Variants in PGLS observed in about 807,000 individuals in gnomAD.
PGLS encodes epididymis secretory protein Li 304.
In PGLS, 21 loss-of-function variants were observed where a neutral mutation model predicts 23.2. The observed-to-expected ratio is 0.91, with a 90% CI of 0.64 to 1.31. The LOEUF (loss-of-function observed/expected upper bound fraction) is 1.31. Ranked by LOEUF, PGLS falls within the 50% of genes most tolerant of loss-of-function variation. The pLI is 0.00. For synonymous variants in PGLS, 179 were observed against 165.4 expected, an observed-to-expected ratio of 1.08 and a Z score of -0.63; for missense variants, 410 against 354.0, an observed-to-expected ratio of 1.16 and a Z score of -1.27.
chr19:17,519,248 A>T (rs1386797949), intron 4 of PGLS, among the ~76,000 whole-genome samples: 1 of 147,616 alleles, frequency 6.8e-6, no homozygotes, highest in African/African-American at 2.5e-5. Context: ...CGGGAGGCGG[A>T]GGTTGCTGTG....
intron 4 of PGLS, among the ~76,000 whole-genome samples, chr19:17,519,385 T>A (rs1449434958): frequency 1.3e-5 from 2 of 151,726 alleles, no homozygotes; most frequent in Non-Finnish European, 2.9e-5. Flanking sequence ...CAGATTACAG[T>A]GTCCAGAAAT....
Position 17,516,281 on chromosome 19 carries a change from G to A in PGLS, c.396+1G>A. 1.2e-6 allele frequency: 2 copies of A among 1,613,334 alleles called. No individual in the cohort carries two copies. Among genetic ancestry groups the A allele is most frequent in the Non-Finnish European group, 1.7e-6 (2 of 1,179,606 alleles). ...GGACTACGCCAAGAAGCTGAGACAGGTGAGCCCCGAGGAGCGGCCGCAAGG... is the reference window on the plus strand; with the variant it reads ...GGACTACGCCAAGAAGCTGAGACAGATGAGCCCCGAGGAGCGGCCGCAAGG... On this transcript the variant is annotated splice_donor_variant, in intron 2 of 4. Transcript: ENST00000252603. LOFTEE classifies it high-confidence loss of function.
intron 1 of PGLS, among the ~76,000 whole-genome samples, chr19:17,514,828 T>A (rs1272853784): frequency 6.6e-6 from 1 of 152,164 alleles, no homozygotes; most frequent in East Asian, 1.9e-4. Context: ...AATTTTATAT[T>A]TTTAGTAGAG....
At chr19:17,516,779 G>A (rs971619421) in intron 2 of PGLS, among the ~76,000 whole-genome samples, 2 of 151,154 alleles carry the variant, frequency 1.3e-5, no homozygotes, top group Non-Finnish European at 2.9e-5. Flanking sequence ...AGTAGAGACG[G>A]GGTTTCACCA....
At chr19:17,514,865 T>C (rs1163845264) in intron 1 of PGLS, among the ~76,000 whole-genome samples, 1 of 152,242 alleles carries the variant, frequency 6.6e-6, no homozygotes, top group Non-Finnish European at 1.5e-5. Context: ...TTGGTCAGGC[T>C]GGTCTCGAAC....
intron 1 of PGLS, among the ~76,000 whole-genome samples, chr19:17,515,026 C>T (rs1269132495): frequency 1.3e-5 from 2 of 151,866 alleles, no homozygotes; most frequent in African/African-American, 2.4e-5. Flanking sequence ...TGGGCTCAAC[C>T]GATTGTCCCA....
intron 4 of PGLS, among the ~76,000 whole-genome samples, chr19:17,520,197 A>G (rs2075550621): frequency 6.6e-6 from 1 of 152,044 alleles, no homozygotes; most frequent in Admixed American, 6.6e-5. Context: ...TGGTGGCTCA[A>G]CGTGGGAGTT....
Position 17,521,051 on chromosome 19 carries a change from C to A in PGLS, c.747C>A (p.Thr249=). 6.2e-7 allele frequency: 1 copy of A among 1,602,672 alleles called. No individual in the cohort carries two copies. The highest frequency in any genetic ancestry group is 8.5e-7 in the Non-Finnish European group (1 of 1,173,894). Residue 249 remains threonine, a synonymous_variant, in exon 5 of 5, where the codon ACC becomes ACA. Coordinates refer to ENST00000252603, the MANE Select transcript of PGLS (RefSeq NM_012088.3). ...FLDEAAARLL[T]VPFEKHSTL ...ACGAGGCGGCCGCCCGCCTCCTGAC[C>A]GTGCCCTTCGAGAAGCATTCCACTT...
chr19:17,520,961 G>A lies in PGLS; in HGVS notation c.657G>A (p.Gln219=). The A allele has an allele frequency of 1.3e-6, 2 of 1,598,598 alleles. No individual in the cohort carries two copies. Among genetic ancestry groups the A allele is most frequent in the South Asian group, 2.3e-5 (2 of 88,686 alleles). Residue 219 remains glutamine (Q), a synonymous_variant, in exon 5 of 5, where the codon CAG becomes CAA. Coordinates refer to ENST00000252603, the MANE Select transcript of PGLS (RefSeq NM_012088.3). ...AAVLKRILED[Q]EENPLPAALV... ...TTCTTCAGCGCATTTTGGAGGACCA[G>A]GAGGAAAACCCGCTGCCCGCCGCCC... is the stretch of plus-strand genomic sequence containing the variant.
At chr19:17,520,919 CT>C (rs1404980069) in intron 4 of PGLS, 24 bp from the exon 5 acceptor site, 3 of 1,568,596 alleles carry the variant, frequency 1.9e-6, no homozygotes, top group Non-Finnish European at 2.6e-6. Context: ...CAGGCAGGGC[CT>C]TACTCTTCTG....
rs369147702 is a variant in PGLS at position 17,516,227 on chromosome 19, C to G, written c.343C>G (p.Pro115Ala). ...AGAAAGCCAGGTGATCACCATTAAC[C>G]CCGAGCTGCCTGTGGAGGAGGCGGC... ...IPESQVITIN[P>A]ELPVEEAAED... Residue 115 changes from proline (P) to alanine (A), a missense_variant, in exon 2 of 5, where the codon CCC becomes GCC. By Grantham distance (27) the Pro-to-Ala change is conservative. Coordinates refer to ENST00000252603, the MANE Select transcript of PGLS (RefSeq NM_012088.3). The G allele has an allele frequency of 6.8e-5, 109 of 1,614,024 alleles. No homozygotes were observed. The highest frequency in any genetic ancestry group is 8.9e-5 in the Non-Finnish European group (105 of 1,180,004).
rs763534327 is a variant in PGLS at position 17,511,883 on chromosome 19, G to C, written c.211G>C (p.Ala71Pro). Reference sequence around the variant, plus strand: ...CGCCCCTGCCGGGCCAGCTAGCTTAGCGCGCTGGACGCTGGGCTTCTGCGA... The same window carrying C: ...CGCCCCTGCCGGGCCAGCTAGCTTACCGCGCTGGACGCTGGGCTTCTGCGA... ...AVAPAGPASL[A>P]RWTLGFCDER... Residue 71 changes from alanine (A) to proline (P), a missense_variant, in exon 1 of 5, where the codon GCG (alanine) becomes CCG (proline). Ala to Pro is a conservative substitution (Grantham distance 27, BLOSUM62 -1). Transcript: ENST00000252603. 5 of 1,540,942 alleles carry C rather than the reference G, an allele frequency of 3.2e-6. No homozygotes were observed. Among genetic ancestry groups the C allele is most frequent in the African/African-American group, 1.4e-5 (1 of 71,310 alleles).
Position 17,516,093 on chromosome 19 carries a change from T to C in PGLS, c.289-80T>C, listed in dbSNP as rs927338876. The C allele has an allele frequency of 4.7e-5, 49 of 1,047,032 alleles. No homozygotes were observed. In the African/African-American group the frequency reaches 7.2e-4, roughly 15 times the overall value. 64.9% of individuals were successfully genotyped at this position (1,047,032 alleles called of 1,614,324 possible). A position where few individuals can be genotyped will look rare whatever the true frequency, so the allele number is the denominator to read the frequency against. On this transcript the variant is annotated intron_variant, in intron 1 of 4. Coordinates refer to ENST00000252603, the MANE Select transcript of PGLS (RefSeq NM_012088.3). ...TCTCCCCATCTGTAAATGAGTGTTATGACGGTACTGTCATAAACTCCCTGG... is the reference window on the plus strand; with the variant it reads ...TCTCCCCATCTGTAAATGAGTGTTACGACGGTACTGTCATAAACTCCCTGG...
rs868579784 is a variant in PGLS at position 17,511,952 on chromosome 19, C to T, written c.280C>T (p.Leu94Phe). The change falls in exon 1 of 5, where the codon CTC becomes TTC. Residue 94 changes from leucine (L) to phenylalanine (F), a missense_variant. Transcript: ENST00000252603. Reference protein sequence around the residue: ...PFDHAESTYGLYRTHLLSRLP... With the variant: ...PFDHAESTYGFYRTHLLSRLP... ...CGATCACGCCGAGAGCACGTACGGC[C>T]TCTACCGGGTGAGAGCTACGGGGGC... 6 of 1,549,582 alleles carry T rather than the reference C, an allele frequency of 3.9e-6. No individual in the cohort carries two copies. Among genetic ancestry groups the T allele is most frequent in the Non-Finnish European group, 5.2e-6 (6 of 1,149,390 alleles).
In PGLS at chr19:17,511,938, A is replaced by C; in HGVS notation, c.266A>C (p.Glu89Ala). Residue 89 changes from glutamate (E) to alanine (A), a missense_variant, in exon 1 of 5, where the codon GAG (glutamate) becomes GCG (alanine). By Grantham distance (107) the Glu-to-Ala change is moderately radical. Transcript: ENST00000252603. ...DERLVPFDHA[E>A]STYGLYRTHL... ...CGCCTCGTGCCCTTCGATCACGCCGAGAGCACGTACGGCCTCTACCGGGTG... is the reference window on the plus strand; with the variant it reads ...CGCCTCGTGCCCTTCGATCACGCCGCGAGCACGTACGGCCTCTACCGGGTG... The C allele has an allele frequency of 6.4e-7, 1 of 1,550,654 alleles. No homozygotes were observed. Among genetic ancestry groups the C allele is most frequent in the Non-Finnish European group, 8.7e-7 (1 of 1,149,782 alleles).
chr19:17,516,377 C>G, intron 2 of PGLS, 97 bp downstream of exon 2: 1 of 1,500,334 alleles, frequency 6.7e-7, no homozygotes, highest in Non-Finnish European at 8.9e-7. Flanking sequence ...GCAGGAACTG[C>G]CCCAGGGATC....
intron 4 of PGLS, 132 bp from the exon 5 acceptor site, chr19:17,520,812 C>A: frequency 1.1e-6 from 1 of 947,534 alleles, no homozygotes; most frequent in Non-Finnish European, 1.5e-6. Context: ...GGCACTAGGA[C>A]AGCTGAGCTG....
intron 1 of PGLS, chr19:17,512,189 C>T (rs2075511674): frequency 1.9e-6 from 1 of 520,964 alleles, no homozygotes; most frequent in South Asian, 2.5e-5. Flanking sequence ...CACCGGTTGC[C>T]CTCGGCTACG....
chr19:17,512,158 T>TCATGC (rs2075511310), intron 1 of PGLS, 198 bp downstream of exon 1: 2 of 580,206 alleles, frequency 3.4e-6, no homozygotes, highest in South Asian at 4.7e-5. Flanking sequence ...TCGCTGGGGG[T>TCATGC]CATGCCAAGA....
Sources: allele counts gnomAD v4.1 joint callset (sites outside exome capture counted in the v4.1 genomes callset), GRCh38; gene constraint gnomAD v4.1.1; transcripts MANE v1.5; gene names NCBI Gene and HGNC (gene_info 2026-07-23, HGNC 2026-07-21).